REDIC1: variants seen among roughly 807,000 people sequenced by gnomAD.
REDIC1 encodes regulator of DNA class I crossover intermediates 1.
the REDIC1 span, among the ~76,000 whole-genome samples, chr12:39,642,617 A>G: frequency 6.6e-6 from 1 of 151,718 alleles, no homozygotes; most frequent in Non-Finnish European, 1.5e-5. Flanking sequence ...TCCAGGACAC[A>G]ATCAATTATA....
the REDIC1 span, among the ~76,000 whole-genome samples, chr12:39,715,927 C>T: frequency 6.6e-6 from 1 of 151,864 alleles, no homozygotes; most frequent in African/African-American, 2.4e-5. Flanking sequence ...CAGGGAGAAA[C>T]CTGCTTTTCG....
chr12:39,889,908 T>C, the REDIC1 span, among the ~76,000 whole-genome samples: 1 of 152,312 alleles, frequency 6.6e-6, no homozygotes, highest in Non-Finnish European at 1.5e-5. Flanking sequence ...TAATCATTTT[T>C]ACTGAAAATA....
At chr12:39,669,465 TG>T in the REDIC1 span, among the ~76,000 whole-genome samples, 3 of 152,182 alleles carry the variant, frequency 2.0e-5, no homozygotes, top group Admixed American at 6.5e-5. Flanking sequence ...CTGCCCCTAC[TG>T]GGGGGTGCAT....
At chr12:39,830,478 A>G in the REDIC1 span, 1 of 1,203,072 alleles carries the variant, frequency 8.3e-7, no homozygotes. Context: ...TGGATCTGAG[A>G]GACTGAATGT....
chr12:39,725,553 G>T, the REDIC1 span, among the ~76,000 whole-genome samples: 1 of 151,906 alleles, frequency 6.6e-6, no homozygotes, highest in Admixed American at 6.6e-5. Flanking sequence ...GTCTCTGTTG[G>T]TCTACAATAT....
At chr12:39,840,475 T>G in the REDIC1 span, among the ~76,000 whole-genome samples, 1 of 152,064 alleles carries the variant, frequency 6.6e-6, no homozygotes, top group African/African-American at 2.4e-5. Flanking sequence ...CTGCCCATCT[T>G]GCCTGTCTCT....
the REDIC1 span, among the ~76,000 whole-genome samples, chr12:39,874,831 T>G: frequency 1.6e-4 from 24 of 152,158 alleles, no homozygotes; most frequent in African/African-American, 5.1e-4. Flanking sequence ...GTGGGTGAAC[T>G]GGAGGCTGAC....
At chr12:39,871,165 G>C in the REDIC1 span, among the ~76,000 whole-genome samples, 2 of 152,082 alleles carry the variant, frequency 1.3e-5, no homozygotes, top group Non-Finnish European at 2.9e-5. Flanking sequence ...AACAGTCCTT[G>C]TGTACAGTGA....
the REDIC1 span, chr12:39,682,487 A>C: frequency 1.9e-6 from 1 of 536,388 alleles, no homozygotes; most frequent in Non-Finnish European, 2.9e-6. Context: ...TATAAAAAAT[A>C]AAAACATAGT....
At chr12:39,663,712 G>A in the REDIC1 span, among the ~76,000 whole-genome samples, 2 of 151,712 alleles carry the variant, frequency 1.3e-5, no homozygotes, top group African/African-American at 4.8e-5. Flanking sequence ...CATTTGAGTC[G>A]TTTTTCTTCC....
the REDIC1 span, among the ~76,000 whole-genome samples, chr12:39,699,670 C>T: frequency 2.5e-4 from 38 of 152,338 alleles, no homozygotes; most frequent in African/African-American, 9.1e-4. Context: ...AAAGCAGTAA[C>T]CTCTGCAGAC....
chr12:39,896,596 A>C, the REDIC1 span, among the ~76,000 whole-genome samples: 5 of 151,210 alleles, frequency 3.3e-5, no homozygotes, highest in African/African-American at 1.2e-4. Flanking sequence ...ATGTATACAT[A>C]TATGTATGTA....
chr12:39,627,725 T>A, the REDIC1 span, among the ~76,000 whole-genome samples: 1 of 152,108 alleles, frequency 6.6e-6, no homozygotes, highest in African/African-American at 2.4e-5. Context: ...GTGTTTAAAT[T>A]TATACAAACG....
chr12:39,851,314 T>C, the REDIC1 span, among the ~76,000 whole-genome samples: 10 of 152,146 alleles, frequency 6.6e-5, no homozygotes, highest in African/African-American at 2.2e-4. Flanking sequence ...ACTTTTCTGT[T>C]TGTGAAGACT....
the REDIC1 span, among the ~76,000 whole-genome samples, chr12:39,891,158 G>A: frequency 6.7e-6 from 1 of 149,424 alleles, no homozygotes; most frequent in Non-Finnish European, 1.5e-5. Flanking sequence ...GATGCATCTA[G>A]GATGCTTGTC....
the REDIC1 span, among the ~76,000 whole-genome samples, chr12:39,882,529 T>A: frequency 6.6e-6 from 1 of 152,224 alleles, no homozygotes; most frequent in Non-Finnish European, 1.5e-5. Context: ...TCACTTGAAA[T>A]TTCCGAAGAT....
the REDIC1 span, among the ~76,000 whole-genome samples, chr12:39,905,736 T>A: frequency 6.6e-6 from 1 of 151,628 alleles, no homozygotes; most frequent in Non-Finnish European, 1.5e-5. Context: ...GAAGCAATCA[T>A]GTATATCTTT....
chr12:39,655,976 C>G, the REDIC1 span, among the ~76,000 whole-genome samples: 33 of 151,994 alleles, frequency 2.2e-4, no homozygotes, highest in African/African-American at 7.7e-4. Context: ...TGCCCCACAT[C>G]AGGTTTTTTT....
chr12:39,891,471 T>C, the REDIC1 span, among the ~76,000 whole-genome samples: 2 of 152,170 alleles, frequency 1.3e-5, no homozygotes, highest in African/African-American at 4.8e-5. Flanking sequence ...GCTTGTGATT[T>C]ATCTTAAGAA....
Sources: gnomAD v4.1 joint callset for allele counts (sites outside exome capture counted in the v4.1 genomes callset) on GRCh38, gnomAD v4.1.1 for gene constraint, MANE v1.5 for transcripts, NCBI Gene and HGNC (gene_info 2026-07-23, HGNC 2026-07-21) for gene names.